Variants in TRUB2 observed in about 807,000 individuals in gnomAD.
TRUB2 encodes the protein TruB pseudouridine synthase family member 2, also known as pseudouridylate synthase TRUB2, mitochondrial.
Under a neutral mutation model 31.9 loss-of-function variants are expected in TRUB2, and 31 were observed. The ratio of observed to expected loss-of-function variants is 0.97; its 90% CI spans 0.73 to 1.31. TRUB2 has a LOEUF of 1.31. Ranked by LOEUF, TRUB2 falls within the 50% of genes most tolerant of loss-of-function variation. The probability of loss-of-function intolerance (pLI) is 0.00; values close to 1 mark genes in which losing one functional copy is unlikely to be tolerated. For missense variants in TRUB2, 451 were observed against 439.6 expected, an observed-to-expected ratio of 1.03 and a Z score of -0.23; for synonymous variants, 201 against 182.6, an observed-to-expected ratio of 1.10 and a Z score of -0.81.
At chr9:128,313,711 G>A (rs867228601) in intron 5 of TRUB2, 97 bp downstream of exon 5, 5 of 1,085,332 alleles carry the variant, frequency 4.6e-6, no homozygotes, top group African/African-American at 3.1e-5. Context: ...AGTGTGTGCA[G>A]TGGAACTGAG....
At position 128,313,814 on chromosome 9, in the gene TRUB2, T is replaced by A; in HGVS notation, c.454A>T (p.Thr152Ser). Residue 152 changes from threonine (T) to serine (S), a missense_variant, in exon 5 of 8, where the codon ACC becomes TCC. By Grantham distance (58) the Thr-to-Ser change is moderately conservative (BLOSUM62 1). Transcript: ENST00000372890. ...REDGRLVEKT[T>S]YDHVTREKLD... ...AGCCACTTCCGGTTCTCACCATAGG[T>A]TGTCTTCTCTACCAGCCTCCCGTCC... 1 of 1,614,138 alleles carries A rather than the reference T, an allele frequency of 6.2e-7. No individual in the cohort carries two copies. Among genetic ancestry groups the A allele is most frequent in the Non-Finnish European group, 8.5e-7 (1 of 1,180,016 alleles).
chr9:128,319,910 C>T (rs1326334119), intron 2 of TRUB2, among the ~76,000 whole-genome samples: 4 of 151,418 alleles, frequency 2.6e-5, no homozygotes, highest in Non-Finnish European at 4.4e-5. Flanking sequence ...TGAGCCACCA[C>T]ACCTGGCCAC....
Position 128,307,857 on chromosome 9 carries a change from GCATCA to G in TRUB2, c.*1688_*1692del, listed in dbSNP as rs1316435278. On this transcript the variant is annotated 3_prime_UTR_variant, in exon 8 of 8. Transcript: ENST00000372890. ...GACAAAGCTGCAGTGAGTCATGTTTGCATCACTGCACTCCAGCCTGGGTGACAGAG... is the reference window on the plus strand; with the variant it reads ...GACAAAGCTGCAGTGAGTCATGTTTGCTGCACTCCAGCCTGGGTGACAGAG... The G allele has an allele frequency of 1.3e-5, 2 of 152,242 alleles. No individual in the cohort carries two copies. Among genetic ancestry groups the G allele is most frequent in the Admixed American group, 6.6e-5 (1 of 15,256 alleles). 9.4% of individuals were successfully genotyped at this position (152,242 alleles called of 1,614,324 possible). A position where few individuals can be genotyped will look rare whatever the true frequency, so the allele number is the denominator to read the frequency against.
chr9:128,313,963 G>C, intron 4 of TRUB2, 74 bp from the exon 5 acceptor site: 1 of 1,414,624 alleles, frequency 7.1e-7, no homozygotes, highest in South Asian at 1.2e-5. Context: ...CCAGAAGCTG[G>C]GGGTGGGGGG....
At chr9:128,311,113 G>C (rs1351737219) in intron 6 of TRUB2, 90 bp from the exon 7 acceptor site, 3 of 1,542,700 alleles carry the variant, frequency 1.9e-6, no homozygotes, top group South Asian at 1.2e-5. Context: ...CACTTGCTTT[G>C]TGTGCCCTGC....
At chr9:128,319,978 C>G (rs1448955302) in intron 2 of TRUB2, among the ~76,000 whole-genome samples, 1 of 151,544 alleles carries the variant, frequency 6.6e-6, no homozygotes, top group Non-Finnish European at 1.5e-5. Context: ...TGCAGTGGCA[C>G]GATCTCCGCT....
chr9:128,316,224 CAAAA>C (rs561487217), intron 3 of TRUB2: 7 of 55,628 alleles, frequency 1.3e-4, no homozygotes, highest in Admixed American at 4.1e-4. Flanking sequence ...CTCCGTCTCA[CAAAA>C]AAAAAAAAAA....
chr9:128,320,072 C>T (rs1331629516), intron 2 of TRUB2, among the ~76,000 whole-genome samples: 1 of 151,896 alleles, frequency 6.6e-6, no homozygotes, highest in Non-Finnish European at 1.5e-5. Flanking sequence ...CCCACCACCA[C>T]GCCCGGCTAA....
At chr9:128,315,225 C>A (rs371435714) in intron 4 of TRUB2, among the ~76,000 whole-genome samples, 1 of 152,112 alleles carries the variant, frequency 6.6e-6, no homozygotes, top group East Asian at 1.9e-4. Flanking sequence ...GCTCTTAAAG[C>A]CCTAACAACT....
chr9:128,309,640 C>T lies in TRUB2; in HGVS notation c.906G>A (p.Leu302=), dbSNP rs372566842. The T allele has an allele frequency of 1.2e-5, 19 of 1,613,972 alleles. No homozygotes were observed. Among genetic ancestry groups the T allele is most frequent in the Non-Finnish European group, 1.4e-5 (17 of 1,180,022 alleles). Residue 302 remains leucine (L), a synonymous_variant, in exon 8 of 8, where the codon CTG becomes CTA. Coordinates refer to ENST00000372890, the MANE Select transcript of TRUB2 (RefSeq NM_015679.3). ...AELEKSLSPG[L]DTKQLPSPGW... is the part of the protein sequence containing the mutation. ...CCGGACTGGGGAGCTGCTTGGTGTC[C>T]AGCCCCGGGCTCAAGCTCTTCTCCA...
intron 4 of TRUB2, 147 bp from the exon 5 acceptor site, chr9:128,314,036 G>A (rs572413051): frequency 4.3e-5 from 28 of 652,956 alleles, no homozygotes; most frequent in Non-Finnish European, 7.3e-5. Flanking sequence ...CACAGCCCCA[G>A]GAGGAAGGGC....
At position 128,309,018 on chromosome 9, in the gene TRUB2, A is replaced by C. The variant is rs755849252; in HGVS notation, c.*532T>G. 4 of 153,152 alleles carry C rather than the reference A, an allele frequency of 2.6e-5. No individual in the cohort carries two copies. The highest frequency in any genetic ancestry group is 2.0e-4 in the South Asian group (1 of 4,882). 9.5% of individuals were successfully genotyped at this position (153,152 alleles called of 1,614,324 possible). A position where few individuals can be genotyped will look rare whatever the true frequency, so the allele number is the denominator to read the frequency against. ...GATACACACTTCATCTCATTTGCCT[A>C]ATTTTGTCGTTGTCTTCTTATTGCT... On this transcript the variant is annotated 3_prime_UTR_variant, in exon 8 of 8. Transcript: ENST00000372890.
At chr9:128,311,361 A>T (rs1014333104) in intron 6 of TRUB2, 168 bp downstream of exon 6, 1 of 741,106 alleles carries the variant, frequency 1.3e-6, no homozygotes, top group South Asian at 1.7e-5. Context: ...CCAACCCAAG[A>T]CCTGGCACAC....
chr9:128,310,786 T>A (rs992533504), intron 7 of TRUB2, 101 bp downstream of exon 7: 119 of 1,517,826 alleles, frequency 7.8e-5, no homozygotes, highest in Non-Finnish European at 9.8e-5. Flanking sequence ...TGTGCTGGCC[T>A]CAGCTGAGCC....
Position 128,309,331 on chromosome 9 carries a change from A to G in TRUB2, c.*219T>C, listed in dbSNP as rs1831921167. ...TGCCCGCCACCACGCCTGGTCTGCC[A>G]ATACTTTCTATCAGTCTGTCATGTT... On this transcript the variant is annotated 3_prime_UTR_variant, in exon 8 of 8. Coordinates refer to ENST00000372890, the MANE Select transcript of TRUB2 (RefSeq NM_015679.3). 1 of 565,502 alleles carries G rather than the reference A, an allele frequency of 1.8e-6. No individual in the cohort carries two copies. Among genetic ancestry groups the G allele is most frequent in the Non-Finnish European group, 3.1e-6 (1 of 318,892 alleles). The allele number at this position is 565,502 out of a possible 1,614,324, so 35.0% of individuals were successfully genotyped here.
chr9:128,320,428 G>T (rs1410520372), intron 2 of TRUB2, among the ~76,000 whole-genome samples: 1 of 151,942 alleles, frequency 6.6e-6, no homozygotes, highest in Non-Finnish European at 1.5e-5. Context: ...CGACTCCCGG[G>T]TTCAAGCAAT....
chr9:128,309,235 C>T lies in TRUB2; in HGVS notation c.*315G>A. The T allele has an allele frequency of 2.8e-6, 1 of 356,354 alleles. No homozygotes were observed. Among genetic ancestry groups the T allele is most frequent in the Non-Finnish European group, 5.2e-6 (1 of 191,884 alleles). 22.1% of individuals were successfully genotyped at this position (356,354 alleles called of 1,614,324 possible). A position where few individuals can be genotyped will look rare whatever the true frequency, so the allele number is the denominator to read the frequency against. On this transcript the variant is annotated 3_prime_UTR_variant, in exon 8 of 8. Coordinates refer to ENST00000372890, the MANE Select transcript of TRUB2 (RefSeq NM_015679.3). Reference sequence around the variant, plus strand: ...GGCTATTCACAGGCGCCGTCTAGCGCACTACAACCTTAAACTCCTGGGCTC... The same window carrying T: ...GGCTATTCACAGGCGCCGTCTAGCGTACTACAACCTTAAACTCCTGGGCTC...
At chr9:128,316,224 C>G (rs886631698) in intron 3 of TRUB2, 1 of 55,634 alleles carries the variant, frequency 1.8e-5, no homozygotes, top group Non-Finnish European at 3.8e-5. Flanking sequence ...CTCCGTCTCA[C>G]AAAAAAAAAA....
intron 2 of TRUB2, among the ~76,000 whole-genome samples, chr9:128,319,741 C>A (rs970917633): frequency 6.7e-6 from 1 of 149,570 alleles, no homozygotes; most frequent in Non-Finnish European, 1.5e-5. Flanking sequence ...CAGGTTCGTG[C>A]GACTCCTCGT....
Sources: gnomAD v4.1 joint callset for allele counts (sites outside exome capture counted in the v4.1 genomes callset) on GRCh38, gnomAD v4.1.1 for gene constraint, MANE v1.5 for transcripts, NCBI Gene and HGNC (gene_info 2026-07-23, HGNC 2026-07-21) for gene names.